The following TMEM232 variants were observed in gnomAD, a reference collection of about 807,000 sequenced individuals.
TMEM232 encodes the protein transmembrane protein 232.
A neutral mutation model predicts 78.8 loss-of-function variants in TMEM232; 80 were observed. The observed-to-expected ratio is 1.01, with a 90% CI of 0.85 to 1.22. The LOEUF is 1.22. TMEM232 is among the 50% of genes most tolerant of loss of function. The pLI, the probability that TMEM232 is intolerant of heterozygous loss-of-function variation, is 0.00. For missense variants in TMEM232, 881 were observed against 742.2 expected, an observed-to-expected ratio of 1.19 and a Z score of -2.17; for synonymous variants, 297 against 254.3, an observed-to-expected ratio of 1.17 and a Z score of -1.60.
intron 12 of TMEM232, among the ~76,000 whole-genome samples, chr5:110,446,441 G>A (rs527331322): frequency 1.3e-5 from 2 of 152,260 alleles, no homozygotes; most frequent in South Asian, 2.1e-4. Context: ...TGGTGGCAGC[G>A]ATTATGAAAG....
chr5:110,675,823 CAAGT>C (rs895436084), intron 1 of TMEM232, among the ~76,000 whole-genome samples: 77 of 152,230 alleles, frequency 5.1e-4, no homozygotes, highest in Middle Eastern at 3.4e-3. Context: ...GAGCCACTTT[CAAGT>C]ATGTATTAAC....
chr5:110,440,688 G>C (rs1011639328), intron 12 of TMEM232, among the ~76,000 whole-genome samples: 1 of 152,042 alleles, frequency 6.6e-6, no homozygotes, highest in Non-Finnish European at 1.5e-5. Context: ...AAATATATTT[G>C]AAGAACTAGG....
At chr5:110,661,460 ACAC>A (rs1389440239) in intron 2 of TMEM232, among the ~76,000 whole-genome samples, 3 of 151,974 alleles carry the variant, frequency 2.0e-5, no homozygotes, top group Non-Finnish European at 2.9e-5. Flanking sequence ...CTACAGGTGT[ACAC>A]CACCATGCCT....
chr5:110,527,357 C>T (rs1770748630), intron 12 of TMEM232, among the ~76,000 whole-genome samples: 1 of 151,738 alleles, frequency 6.6e-6, no homozygotes, highest in Non-Finnish European at 1.5e-5. Flanking sequence ...GAGGCAAATA[C>T]AACATATTTT....
chr5:110,538,847 T>A (rs1159997249), intron 11 of TMEM232, among the ~76,000 whole-genome samples: 1 of 152,086 alleles, frequency 6.6e-6, no homozygotes, highest in Non-Finnish European at 1.5e-5. Context: ...CAAATTACTC[T>A]GTTTTCACTG....
At chr5:110,738,454 C>G (rs1799446930), upstream of TMEM232, among the ~76,000 whole-genome samples, 1 of 152,146 alleles carries the variant, frequency 6.6e-6, no homozygotes, top group Non-Finnish European at 1.5e-5. Context: ...ACGTGGGTTT[C>G]TTTCACCCCC....
chr5:110,552,408 AATTAC>A (rs1218316872), intron 11 of TMEM232, among the ~76,000 whole-genome samples: 1 of 152,088 alleles, frequency 6.6e-6, no homozygotes, highest in Non-Finnish European at 1.5e-5. Flanking sequence ...ATGCATCAAA[AATTAC>A]ATTACATGTA....
chr5:110,563,774 T>C (rs1346154409), intron 11 of TMEM232, among the ~76,000 whole-genome samples: 2 of 151,902 alleles, frequency 1.3e-5, no homozygotes, highest in Non-Finnish European at 2.9e-5. Context: ...TTCTTTTACT[T>C]TGGGGCTCCT....
chr5:110,425,271 AC>A (rs886158068), intron 12 of TMEM232, among the ~76,000 whole-genome samples: 2 of 152,172 alleles, frequency 1.3e-5, no homozygotes. Context: ...TCTTTGTATT[AC>A]TAAGGGTGGA....
At chr5:110,489,214 C>A (rs1225568974) in intron 12 of TMEM232, among the ~76,000 whole-genome samples, 2 of 151,458 alleles carry the variant, frequency 1.3e-5, no homozygotes, top group Non-Finnish European at 2.9e-5. Context: ...AGGTAAATAA[C>A]TAATTTTTCA....
intron 10 of TMEM232, among the ~76,000 whole-genome samples, chr5:110,602,867 A>T (rs1047806449): frequency 1.3e-5 from 2 of 152,196 alleles, no homozygotes; most frequent in African/African-American, 4.8e-5. Context: ...CACTATTCAC[A>T]ATAGCGAAGA....
intron 12 of TMEM232, among the ~76,000 whole-genome samples, chr5:110,446,981 G>A (rs559186536): frequency 2.0e-5 from 3 of 151,838 alleles, no homozygotes; most frequent in South Asian, 2.1e-4. Flanking sequence ...GAGGACCCTC[G>A]TACTCTTTAA....
chr5:110,684,026 C>T (rs1441768815), intron 1 of TMEM232, among the ~76,000 whole-genome samples: 1 of 151,694 alleles, frequency 6.6e-6, no homozygotes, highest in Non-Finnish European at 1.5e-5. Context: ...ATTCTAAAAA[C>T]AAATAAAAAA....
chr5:110,703,224 A>T (rs1795600482), intron 1 of TMEM232, among the ~76,000 whole-genome samples: 2 of 152,068 alleles, frequency 1.3e-5, no homozygotes, highest in Non-Finnish European at 2.9e-5. Context: ...AAAAAGGCAG[A>T]TATAGCTAAT....
intron 11 of TMEM232, among the ~76,000 whole-genome samples, chr5:110,536,023 G>C (rs902776174): frequency 6.6e-6 from 1 of 152,312 alleles, no homozygotes; most frequent in South Asian, 2.1e-4. Flanking sequence ...GACTGATCGT[G>C]GGTTAAGTCT....
chr5:110,401,147 A>T (rs1435557745), intron 2 of TMEM232, among the ~76,000 whole-genome samples: 1 of 152,048 alleles, frequency 6.6e-6, no homozygotes, highest in African/African-American at 2.4e-5. Flanking sequence ...TGACTAATGG[A>T]TCTGAACAGT....
chr5:110,686,923 A>T (rs2150206131), intron 1 of TMEM232, among the ~76,000 whole-genome samples: 1 of 152,282 alleles, frequency 6.6e-6, no homozygotes, highest in Admixed American at 6.5e-5. Context: ...GGTTGTTCAC[A>T]GGCTCATGTA....
intron 2 of TMEM232, among the ~76,000 whole-genome samples, chr5:110,662,610 G>C (rs1789951319): frequency 6.6e-6 from 1 of 152,052 alleles, no homozygotes; most frequent in African/African-American, 2.4e-5. Context: ...TAGTAATTAA[G>C]GCAGTGTGGC....
intron 12 of TMEM232, among the ~76,000 whole-genome samples, chr5:110,433,179 A>G (rs895869469): frequency 2.0e-5 from 3 of 151,812 alleles, no homozygotes; most frequent in African/African-American, 7.2e-5. Flanking sequence ...CAGAATAGAC[A>G]TGCTTCTGAT....
Sources: allele counts gnomAD v4.1 joint callset (sites outside exome capture counted in the v4.1 genomes callset), GRCh38; gene constraint gnomAD v4.1.1; transcripts MANE v1.5; gene names NCBI Gene and HGNC (gene_info 2026-07-23, HGNC 2026-07-21).